CSMD1: variants seen among roughly 807,000 people sequenced by gnomAD.
CSMD1 encodes the protein CUB and Sushi multiple domains 1.
A neutral mutation model predicts 417.5 loss-of-function variants in CSMD1; 213 were observed. The observed-to-expected ratio is 0.51, with a 90% confidence interval of 0.46 to 0.57. CSMD1 has a LOEUF of 0.57. Among genes scored for constraint, CSMD1 ranks in the 20% least tolerant of loss-of-function variants. The pLI, the probability that CSMD1 is intolerant of heterozygous loss-of-function variation, is 0.00. For missense variants in CSMD1, 6,923 were observed against 4,529.7 expected, an observed-to-expected ratio of 1.53 and a Z score of -15.17; for synonymous variants, 2,862 against 1,736.8, an observed-to-expected ratio of 1.65 and a Z score of -16.11.
intron 8 of CSMD1, among the ~76,000 whole-genome samples, chr8:3,593,307 C>T (rs1033419927): frequency 6.6e-6 from 1 of 152,208 alleles, no homozygotes; most frequent in African/African-American, 2.4e-5. Flanking sequence ...CAGCTGTGGC[C>T]TCATGGAGAA....
chr8:2,965,005 G>C (rs1356884830), intron 59 of CSMD1, among the ~76,000 whole-genome samples: 1 of 152,112 alleles, frequency 6.6e-6, no homozygotes, highest in Non-Finnish European at 1.5e-5. Flanking sequence ...TCTTATGTTT[G>C]GTCACTGACA....
intron 25 of CSMD1, among the ~76,000 whole-genome samples, chr8:3,306,719 GTCCACTTCA>G (rs1804882470): frequency 6.6e-6 from 1 of 152,134 alleles, no homozygotes; most frequent in Non-Finnish European, 1.5e-5. Context: ...AGGACTGTGT[GTCCACTTCA>G]TTTTAAACAA....
At chr8:4,532,288 G>T (rs1039702894) in intron 2 of CSMD1, among the ~76,000 whole-genome samples, 1 of 127,650 alleles carries the variant, frequency 7.8e-6, no homozygotes, top group African/African-American at 3.0e-5. Context: ...AATCCTGCAA[G>T]CCCATTCACA....
At chr8:2,987,130 T>G (rs984800867) in intron 54 of CSMD1, among the ~76,000 whole-genome samples, 1 of 152,064 alleles carries the variant, frequency 6.6e-6, no homozygotes, top group Non-Finnish European at 1.5e-5. Context: ...TCTATCATAT[T>G]TTACTGATAA....
chr8:4,048,044 T>C (rs180809151), intron 3 of CSMD1, among the ~76,000 whole-genome samples: 2 of 152,306 alleles, frequency 1.3e-5, no homozygotes, highest in African/African-American at 2.4e-5. Context: ...AAATGACATG[T>C]AGAATTCATT....
chr8:4,529,250 C>T (rs1284459701), intron 2 of CSMD1, among the ~76,000 whole-genome samples: 11 of 152,036 alleles, frequency 7.2e-5, no homozygotes, highest in Non-Finnish European at 7.4e-5. Flanking sequence ...TTATTCTGTT[C>T]GGAGTGGACA....
chr8:4,175,395 C>T (rs769276619), intron 3 of CSMD1, among the ~76,000 whole-genome samples: 2 of 152,086 alleles, frequency 1.3e-5, no homozygotes, highest in Admixed American at 6.5e-5. Context: ...TCTCTCTTAC[C>T]TGCGCTATAC....
intron 2 of CSMD1, among the ~76,000 whole-genome samples, chr8:4,601,770 C>T (rs1438319542): frequency 1.3e-5 from 2 of 152,178 alleles, no homozygotes; most frequent in African/African-American, 2.4e-5. Context: ...GCCCCATTAA[C>T]TTTGACCAAA....
At chr8:3,935,489 G>A (rs941780220) in intron 5 of CSMD1, among the ~76,000 whole-genome samples, 2 of 152,098 alleles carry the variant, frequency 1.3e-5, no homozygotes, top group African/African-American at 2.4e-5. Context: ...TATTCCAATT[G>A]CATCTACTCG....
chr8:4,899,580 G>A (rs925005155), intron 1 of CSMD1, among the ~76,000 whole-genome samples: 1 of 152,132 alleles, frequency 6.6e-6, no homozygotes, highest in Non-Finnish European at 1.5e-5. Flanking sequence ...GACACTGAAA[G>A]TCAATATTTT....
intron 10 of CSMD1, among the ~76,000 whole-genome samples, chr8:3,520,263 T>A (rs1366347710): frequency 6.6e-6 from 1 of 152,118 alleles, no homozygotes; most frequent in African/African-American, 2.4e-5. Flanking sequence ...GGAAGCACCA[T>A]ACCAAACTTG....
intron 3 of CSMD1, among the ~76,000 whole-genome samples, chr8:4,402,174 C>A (rs1315451887): frequency 1.3e-5 from 2 of 152,144 alleles, no homozygotes; most frequent in African/African-American, 4.8e-5. Flanking sequence ...CCAACCACAT[C>A]TACTTCTCCA....
intron 3 of CSMD1, among the ~76,000 whole-genome samples, chr8:4,114,372 G>T (rs1342361275): frequency 6.6e-6 from 1 of 152,178 alleles, no homozygotes; most frequent in Admixed American, 6.5e-5. Context: ...CTACTGTTGA[G>T]ACCTACTGCT....
intron 3 of CSMD1, among the ~76,000 whole-genome samples, chr8:4,274,346 C>T (rs749367026): frequency 3.3e-5 from 5 of 152,228 alleles, no homozygotes; most frequent in South Asian, 4.1e-4. Flanking sequence ...ACTTTTTTTA[C>T]GTTTCACTTT....
At chr8:4,216,124 C>T (rs1451760403) in intron 3 of CSMD1, among the ~76,000 whole-genome samples, 1 of 152,134 alleles carries the variant, frequency 6.6e-6, no homozygotes, top group Non-Finnish European at 1.5e-5. Flanking sequence ...TGGCTGCCAC[C>T]TGCCTTTTTT....
intron 1 of CSMD1, among the ~76,000 whole-genome samples, chr8:4,802,257 C>A (rs1302790452): frequency 6.6e-6 from 1 of 152,110 alleles, no homozygotes; most frequent in African/African-American, 2.4e-5. Context: ...TTCCCTTTTC[C>A]TCTGCCTGCC....
chr8:4,750,052 G>C (rs947545881), intron 1 of CSMD1, among the ~76,000 whole-genome samples: 1 of 150,526 alleles, frequency 6.6e-6, no homozygotes, highest in African/African-American at 2.4e-5. Flanking sequence ...TGTCGCCCAG[G>C]CTGGAGTGCA....
Position 3,107,778 on chromosome 8 carries a change from G to C in CSMD1, c.6775C>G (p.Gln2259Glu). The C allele has an allele frequency of 6.3e-7, 1 of 1,583,936 alleles. No homozygotes were observed. Among genetic ancestry groups the C allele is most frequent in the Non-Finnish European group, 8.5e-7 (1 of 1,170,300 alleles). ...NFHAFQLKKC[Q>E]PPPAVPQAEM... Reference sequence around the variant, plus strand: ...GCCTGTGGAACCGCTGGGGGAGGTTGACATTTCTTGAGCTGAAATGCTAAA... The same window carrying C: ...GCCTGTGGAACCGCTGGGGGAGGTTCACATTTCTTGAGCTGAAATGCTAAA... Residue 2259 changes from glutamine (Q) to glutamate (E), a missense_variant, in exon 45 of 70, where the codon CAA (glutamine) becomes GAA (glutamate). Transcript: ENST00000635120.
In CSMD1 at chr8:3,087,156, G is replaced by A; in HGVS notation, c.7415C>T (p.Thr2472Ile). 1 of 1,613,906 alleles carries A rather than the reference G, an allele frequency of 6.2e-7. No homozygotes were observed. Among genetic ancestry groups the A allele is most frequent in the Non-Finnish European group, 8.5e-7 (1 of 1,179,904 alleles). ...CATGCCAAGTGGGTTTCGTCTACAG[G>A]TTGCATTGCTGTGGCCGACCATTCG... Reference protein sequence around the residue: ...GYRMVGHSNATCRRNPLGMYQ... With the variant: ...GYRMVGHSNAICRRNPLGMYQ... The change falls in exon 49 of 70, where the codon ACC becomes ATC. Residue 2472 changes from threonine (T) to isoleucine (I), a missense_variant. Physicochemically the swap from Thr to Ile is moderately conservative, Grantham distance 89. Transcript: ENST00000635120.
Sources: gnomAD v4.1 joint callset for allele counts (sites outside exome capture counted in the v4.1 genomes callset) on GRCh38, gnomAD v4.1.1 for gene constraint, MANE v1.5 for transcripts, NCBI Gene and HGNC (gene_info 2026-07-23, HGNC 2026-07-21) for gene names.